KHDRBS2: variants seen among roughly 807,000 people sequenced by gnomAD.
KHDRBS2 encodes KH domain-containing, RNA-binding, signal transduction-associated protein 2.
KHDRBS2 carries 26 observed loss-of-function variants against 44.3 expected under a neutral mutation model. The ratio of observed to expected loss-of-function variants is 0.59; its 90% CI spans 0.43 to 0.81. The LOEUF is 0.81. Ranked by LOEUF, KHDRBS2 falls within the 40% of genes least tolerant of loss-of-function variation. The probability of loss-of-function intolerance (pLI) is 0.00; values close to 1 mark genes in which losing one functional copy is unlikely to be tolerated. For synonymous variants in KHDRBS2, 194 were observed against 151.1 expected (o/e 1.28, Z -2.08); for missense variants, 476 against 433.1 (o/e 1.10, Z -0.88).
At chr6:62,181,654 C>T (rs1035914415) in intron 1 of KHDRBS2, among the ~76,000 whole-genome samples, 1 of 151,948 alleles carries the variant, frequency 6.6e-6, no homozygotes, top group Non-Finnish European at 1.5e-5. Flanking sequence ...AATTAACCTA[C>T]CATATGACCT....
intron 1 of KHDRBS2, among the ~76,000 whole-genome samples, chr6:62,270,141 G>A (rs1274874431): frequency 6.6e-6 from 1 of 152,080 alleles, no homozygotes; most frequent in Non-Finnish European, 1.5e-5. Flanking sequence ...GTTGGAGTTG[G>A]AGCCTGCTGG....
chr6:62,044,040 T>C (rs1787131696), intron 3 of KHDRBS2, among the ~76,000 whole-genome samples: 1 of 152,138 alleles, frequency 6.6e-6, no homozygotes, highest in African/African-American at 2.4e-5. Flanking sequence ...GAATCTATTC[T>C]TGAAGTAATA....
At chr6:62,169,244 T>C (rs1338132381) in intron 2 of KHDRBS2, among the ~76,000 whole-genome samples, 1 of 150,490 alleles carries the variant, frequency 6.6e-6, no homozygotes, top group Non-Finnish European at 1.5e-5. Flanking sequence ...TATGTGTGTA[T>C]ATATATTTCT....
the KHDRBS2 span, among the ~76,000 whole-genome samples, chr6:61,581,873 A>C: frequency 1.3e-5 from 2 of 151,294 alleles, no homozygotes; most frequent in Non-Finnish European, 3.0e-5. Context: ...ATGAATCTTC[A>C]AAAATTTACC....
chr6:62,200,071 T>A (rs961320425), intron 1 of KHDRBS2, among the ~76,000 whole-genome samples: 3 of 152,104 alleles, frequency 2.0e-5, no homozygotes, highest in African/African-American at 7.2e-5. Context: ...TTACACCTTA[T>A]ACAAAAATTA....
At chr6:61,579,018 T>G in the KHDRBS2 span, among the ~76,000 whole-genome samples, 2 of 152,170 alleles carry the variant, frequency 1.3e-5, no homozygotes, top group Non-Finnish European at 2.9e-5. Context: ...AAACTATTAA[T>G]TGTTTTTAGC....
chr6:61,977,142 C>T (rs376483274), intron 4 of KHDRBS2, among the ~76,000 whole-genome samples: 1 of 152,076 alleles, frequency 6.6e-6, no homozygotes, highest in South Asian at 2.1e-4. Flanking sequence ...AATCAATGAA[C>T]CTTACCCACC....
intron 3 of KHDRBS2, among the ~76,000 whole-genome samples, chr6:62,046,727 T>G (rs763093264): frequency 6.6e-6 from 1 of 151,890 alleles, no homozygotes; most frequent in Non-Finnish European, 1.5e-5. Context: ...CTTAAATATT[T>G]GTAATATTTA....
intron 2 of KHDRBS2, among the ~76,000 whole-genome samples, chr6:62,066,362 T>A (rs1793725980): frequency 1.3e-5 from 2 of 151,696 alleles, no homozygotes; most frequent in South Asian, 4.1e-4. Flanking sequence ...TTTGCCCTTT[T>A]AATACTTAAC....
chr6:61,787,652 C>T (rs1234311198), intron 6 of KHDRBS2, among the ~76,000 whole-genome samples: 1 of 151,676 alleles, frequency 6.6e-6, no homozygotes, highest in African/African-American at 2.4e-5. Flanking sequence ...ATCTAAAAAG[C>T]CCTGGTATTC....
At chr6:61,604,026 C>T in the KHDRBS2 span, among the ~76,000 whole-genome samples, 1 of 152,194 alleles carries the variant, frequency 6.6e-6, no homozygotes, top group African/African-American at 2.4e-5. Flanking sequence ...TACCGCTCTG[C>T]CCCCTCCACT....
chr6:62,025,199 A>C (rs1032829397), intron 3 of KHDRBS2, among the ~76,000 whole-genome samples: 2 of 151,788 alleles, frequency 1.3e-5, no homozygotes, highest in Non-Finnish European at 3.0e-5. Context: ...CCAAAGAGAC[A>C]GTCTGAATTT....
intron 2 of KHDRBS2, among the ~76,000 whole-genome samples, chr6:62,052,902 T>C (rs1017570750): frequency 1.9e-4 from 29 of 152,034 alleles, no homozygotes; most frequent in African/African-American, 3.4e-4. Flanking sequence ...AGCCCAGGGA[T>C]TGGGGACCCC....
intron 6 of KHDRBS2, among the ~76,000 whole-genome samples, chr6:61,733,974 CTT>C (rs1239499571): frequency 6.6e-6 from 1 of 152,134 alleles, no homozygotes; most frequent in African/African-American, 2.4e-5. Flanking sequence ...ACAAATCTCT[CTT>C]TATCTTGTTC....
At chr6:61,813,975 A>T (rs1788511868) in intron 6 of KHDRBS2, 1 of 446,596 alleles carries the variant, frequency 2.2e-6, no homozygotes, top group Non-Finnish European at 4.5e-6. Context: ...TCCCACCTCC[A>T]TGCCAGTAAA....
chr6:62,092,539 C>T (rs755274325), intron 2 of KHDRBS2, among the ~76,000 whole-genome samples: 2 of 152,074 alleles, frequency 1.3e-5, no homozygotes, highest in South Asian at 2.1e-4. Context: ...GGTTTCTGCC[C>T]GTGGGCAAAA....
chr6:62,189,335 T>A (rs976546453), intron 1 of KHDRBS2, among the ~76,000 whole-genome samples: 34 of 152,010 alleles, frequency 2.2e-4, no homozygotes, highest in African/African-American at 4.3e-4. Flanking sequence ...TTCTTTTTTT[T>A]AAATTTTTTA....
chr6:62,239,676 CTATT>C (rs929489438), intron 1 of KHDRBS2, among the ~76,000 whole-genome samples: 9 of 151,986 alleles, frequency 5.9e-5, no homozygotes, highest in African/African-American at 1.2e-4. Context: ...ATTTCTTAAA[CTATT>C]TATTTATTTA....
intron 7 of KHDRBS2, among the ~76,000 whole-genome samples, chr6:61,722,489 T>G (rs928618117): frequency 2.0e-5 from 3 of 152,164 alleles, no homozygotes; most frequent in Non-Finnish European, 4.4e-5. Context: ...AGATTCTATT[T>G]TATAATCTCA....
Sources: allele counts gnomAD v4.1 joint callset (sites outside exome capture counted in the v4.1 genomes callset), GRCh38; gene constraint gnomAD v4.1.1; transcripts MANE v1.5; gene names NCBI Gene and HGNC (gene_info 2026-07-23, HGNC 2026-07-21).